The following PRDM16 variants were observed in gnomAD, a reference collection of about 807,000 sequenced individuals.
PRDM16 encodes the protein PR/SET domain 16.
Under a neutral mutation model 110.6 loss-of-function variants are expected in PRDM16, and 23 were observed. That is an observed-to-expected ratio of 0.21 (90% CI 0.15 to 0.29). The LOEUF is 0.29. PRDM16 is among the 10% of genes least tolerant of loss of function. The probability of loss-of-function intolerance (pLI) is 1.00; values close to 1 mark genes in which losing one functional copy is unlikely to be tolerated. For missense variants in PRDM16, 1,615 were observed against 1,794.3 expected, an observed-to-expected ratio of 0.90 and a Z score of 1.81; for synonymous variants, 799 against 781.8, an observed-to-expected ratio of 1.02 and a Z score of -0.37.
intron 3 of PRDM16, among the ~76,000 whole-genome samples, chr1:3,319,318 G>A (rs568424390): frequency 6.6e-6 from 1 of 152,172 alleles, no homozygotes; most frequent in African/African-American, 2.4e-5. Flanking sequence ...TGGCACCAAG[G>A]CTCAACATTG....
intron 3 of PRDM16, among the ~76,000 whole-genome samples, chr1:3,351,660 T>C (rs1204281840): frequency 2.5e-4 from 3 of 12,226 alleles, no homozygotes; most frequent in African/African-American, 3.8e-4. Context: ...CTCTCTCCCC[T>C]CCCTCTTTCT....
rs561285638 is a variant in PRDM16, at chr1:3,146,567, G to C, written c.38-39558G>C. Among the ~76,000 whole-genome samples, 4 of 145,084 alleles carry C rather than the reference G, an allele frequency of 2.8e-5. No individual in the cohort carries two copies. In the South Asian group the frequency reaches 8.9e-4, roughly 32 times the overall value. ...TGTTCGGTGTGGGGTGTGTACACAT[G>C]TGTGCTCGGTGTGGGGCATATGTGT... On this transcript the variant is annotated intron_variant, in intron 1 of 16. Transcript: ENST00000270722.
intron 1 of PRDM16, among the ~76,000 whole-genome samples, chr1:3,088,350 AG>A (rs1642196817): frequency 6.6e-6 from 1 of 152,202 alleles, no homozygotes; most frequent in East Asian, 1.9e-4. Flanking sequence ...TCAATCAGGG[AG>A]CTGGGGCTCA....
At position 3,157,422 on chromosome 1, in the gene PRDM16, TAAAA is replaced by T. The variant is rs34858929; in HGVS notation, c.38-28686_38-28683del. On this transcript the variant is annotated intron_variant, in intron 1 of 16. Transcript: ENST00000270722. This position sits in a 1 kb window ranked among gnomAD's most constrained non-coding sequence, Gnocchi z 4.8. ...GCTCCCAGGCCTTTTGCGATCCCAT[TAAAA>T]AAAAAAAAAAAAAAAACACCTTTGT... 9.2e-3 allele frequency among the ~76,000 whole-genome samples: 1,126 copies of T among 122,164 alleles called. 11 individuals carry two copies. The highest frequency in any genetic ancestry group is 0.02 in the African/African-American group (625 of 31,492). The allele number at this position is 122,164 out of a possible 152,430, so 80.1% of individuals were successfully genotyped here. A position where few individuals can be genotyped will look rare whatever the true frequency, so the allele number is the denominator to read the frequency against.
chr1:3,126,210 C>T (rs1643203030), intron 1 of PRDM16, among the ~76,000 whole-genome samples: 1 of 152,202 alleles, frequency 6.6e-6, no homozygotes, highest in Non-Finnish European at 1.5e-5. Flanking sequence ...CCTGGGCTTG[C>T]AGAGGCACAG....
At chr1:3,306,620 G>C (rs1238311321) in intron 3 of PRDM16, 1 of 152,164 alleles carries the variant, frequency 6.6e-6, no homozygotes, top group East Asian at 1.9e-4. Context: ...CAGAAAAATA[G>C]AAACCCTGAA....
intron 3 of PRDM16, chr1:3,306,756 A>C (rs752218041): frequency 6.6e-6 from 1 of 152,224 alleles, no homozygotes; most frequent in African/African-American, 2.4e-5. Flanking sequence ...TTGTGCAACC[A>C]TCACAATAAA....
rs1642217348 is a variant in PRDM16, at chr1:3,339,022, G to A, written c.439-46130G>A. Among the ~76,000 whole-genome samples the A allele has an allele frequency of 6.6e-6, 1 of 152,192 alleles. No individual in the cohort carries two copies. The highest frequency in any genetic ancestry group is 6.5e-5 in the Admixed American group (1 of 15,292). On this transcript the variant is annotated intron_variant, in intron 3 of 16. Coordinates refer to ENST00000270722, the MANE Select transcript of PRDM16 (RefSeq NM_022114.4). This position sits in a 1 kb window ranked among gnomAD's most constrained non-coding sequence, Gnocchi z 5.0. ...CAGCAGCTGCCATTCAGGCCAAGGA[G>A]AGGCAGTTTGGAGCCCTGCTGCTGT... is the stretch of plus-strand genomic sequence containing the variant.
intron 3 of PRDM16, among the ~76,000 whole-genome samples, chr1:3,314,366 T>C (rs955250132): frequency 5.9e-5 from 9 of 152,140 alleles, no homozygotes; most frequent in Non-Finnish European, 1.3e-4. Flanking sequence ...AGATGGTGTC[T>C]CTGTACCGAA....
rs753460866 is a variant in PRDM16, at chr1:3,412,575, C to T, written c.2378C>T (p.Ser793Leu). The T allele has an allele frequency of 1.9e-5, 30 of 1,607,764 alleles. No homozygotes were observed. The highest frequency in any genetic ancestry group is 5.5e-5 in the South Asian group (5 of 90,970). ...ATCCTGCCCATGCCCAAGGGCCCCT[C>T]GGCCCCCGCATCCGGCGAGGAGCAG... The part of the protein sequence containing the change: ...KPILPMPKGP[S>L]APASGEEQPL... Residue 793 changes from serine to leucine, a missense_variant, in exon 9 of 17, where the codon TCG becomes TTG. Physicochemically the swap from Ser to Leu is moderately radical, Grantham distance 145. Coordinates refer to ENST00000270722, the MANE Select transcript of PRDM16 (RefSeq NM_022114.4).
chr1:3,184,895 G>A (rs1285289790), intron 1 of PRDM16, among the ~76,000 whole-genome samples: 2 of 151,986 alleles, frequency 1.3e-5, no homozygotes, highest in African/African-American at 2.4e-5. Flanking sequence ...TCCTTGGGGA[G>A]GGGTGGTGCC....
chr1:3,412,286 G>T lies in PRDM16; in HGVS notation c.2089G>T (p.Ala697Ser), dbSNP rs779334537. ...GAAGDSIKAIASIAEKYFGPG... is the reference protein window; with the variant it reads ...GAAGDSIKAISSIAEKYFGPG... ...CGCCGGGGACTCCATCAAGGCCATC[G>T]CATCCATTGCCGAGAAGTACTTTGG... Residue 697 changes from alanine (A) to serine (S), a missense_variant, in exon 9 of 17, where the codon GCA becomes TCA. Ala to Ser is a moderately conservative substitution (Grantham distance 99). This residue lies in a region of PRDM16 where 772 missense variants were observed against 748.3 expected (regional missense o/e 1.03). Transcript: ENST00000270722. The T allele has an allele frequency of 6.2e-7, 1 of 1,613,532 alleles. No homozygotes were observed. Among genetic ancestry groups the T allele is most frequent in the Non-Finnish European group, 8.5e-7 (1 of 1,180,018 alleles).
At chr1:3,203,123 C>T (rs372491007) in intron 2 of PRDM16, among the ~76,000 whole-genome samples, 1 of 152,194 alleles carries the variant, frequency 6.6e-6, no homozygotes. Flanking sequence ...CCACCCCCAA[C>T]CCCGGGCTGA....
At chr1:3,377,282 G>T (rs374836070) in intron 3 of PRDM16, among the ~76,000 whole-genome samples, 1 of 152,142 alleles carries the variant, frequency 6.6e-6, no homozygotes, top group South Asian at 2.1e-4. Context: ...AGAGGGCAGC[G>T]TCCCAGGGCT....
chr1:3,312,487 C>T (rs901778109), intron 3 of PRDM16, among the ~76,000 whole-genome samples: 2 of 152,238 alleles, frequency 1.3e-5, no homozygotes, highest in South Asian at 2.1e-4. Context: ...CACAGCCGCT[C>T]CTCCCCAGCC....
intron 3 of PRDM16, among the ~76,000 whole-genome samples, chr1:3,323,663 C>T (rs1036234818): frequency 1.7e-4 from 26 of 152,348 alleles, no homozygotes; most frequent in African/African-American, 5.5e-4. Flanking sequence ...CCGACAAAGG[C>T]GAGGGCCGGT....
intron 5 of PRDM16, among the ~76,000 whole-genome samples, chr1:3,397,243 C>T (rs1049956803): frequency 2.0e-5 from 3 of 152,222 alleles, no homozygotes; most frequent in South Asian, 4.1e-4. Flanking sequence ...GATGCGGAGT[C>T]GCCCCGCTCT....
At chr1:3,194,647 C>T (rs113208842) in intron 2 of PRDM16, among the ~76,000 whole-genome samples, 20,783 of 119,704 alleles carry the variant, frequency 0.17, 2,463 homozygotes, top group African/African-American at 0.39. Flanking sequence ...CCCCGCCACA[C>T]GCCACCGTCT....
intron 3 of PRDM16, among the ~76,000 whole-genome samples, chr1:3,289,193 C>T (rs1293573308): frequency 6.6e-6 from 1 of 152,216 alleles, no homozygotes; most frequent in African/African-American, 2.4e-5. Flanking sequence ...AGTGTGGCCA[C>T]GGGCAAGGCC....
Sources: allele counts gnomAD v4.1 joint callset (sites outside exome capture counted in the v4.1 genomes callset), GRCh38; gene constraint gnomAD v4.1.1; regional missense constraint gnomAD v4.1.1; non-coding constraint Gnocchi (gnomAD v3.1); transcripts MANE v1.5; gene names NCBI Gene and HGNC (gene_info 2026-07-23, HGNC 2026-07-21).